The following PAK3 variants were observed in gnomAD, a reference collection of about 807,000 sequenced individuals.
PAK3 encodes serine/threonine-protein kinase PAK 3.
Under a neutral mutation model 41.0 loss-of-function variants are expected in PAK3, and 4 were observed. The ratio of observed to expected loss-of-function variants is 0.10; its 90% CI spans 0.05 to 0.22. The LOEUF is 0.22. Among genes scored for constraint, PAK3 ranks in the 10% least tolerant of loss-of-function variants. PAK3 has a pLI of 1.00. For synonymous variants in PAK3, 146 were observed against 139.6 expected, an observed-to-expected ratio of 1.05 and a Z score of -0.32; for missense variants, 205 against 409.9, an observed-to-expected ratio of 0.50 and a Z score of 4.32.
chrX:111,186,008 G>A (rs996722392), intron 11 of PAK3, among the ~76,000 whole-genome samples: 2 of 111,218 alleles, frequency 1.8e-5, no homozygotes, highest in African/African-American at 3.3e-5. Context: ...ATCAATAAAC[G>A]TAATCCATCC....
At chrX:111,175,418 A>G (rs1402167842) in intron 11 of PAK3, among the ~76,000 whole-genome samples, 1 of 112,179 alleles carries the variant, frequency 8.9e-6, no homozygotes, top group Non-Finnish European at 1.9e-5. Context: ...ATTAAAGAAA[A>G]TATATTATGA....
At chrX:111,131,889 A>T (rs2093723212) in intron 5 of PAK3, among the ~76,000 whole-genome samples, 1 of 112,100 alleles carries the variant, frequency 8.9e-6, no homozygotes. Context: ...CTGTTACCTA[A>T]GTATAAGGAA....
chrX:111,091,883 CT>C (rs1025401535), upstream of PAK3, among the ~76,000 whole-genome samples: 20 of 110,299 alleles, frequency 1.8e-4, no homozygotes, highest in South Asian at 3.9e-4. Flanking sequence ...AGTGGGGACA[CT>C]TTTTTTTTAG....
chrX:111,161,310 G>T (rs771235508), intron 8 of PAK3, among the ~76,000 whole-genome samples: 2 of 111,291 alleles, frequency 1.8e-5, no homozygotes, highest in South Asian at 7.6e-4. Context: ...TTTTGATGGG[G>T]TTGTTTGTTT....
intron 7 of PAK3, among the ~76,000 whole-genome samples, chrX:111,150,173 C>T (rs780682630): frequency 1.8e-5 from 2 of 112,046 alleles, no homozygotes; most frequent in South Asian, 7.6e-4. Context: ...CCCAAAAGTT[C>T]CTCATCCTCC....
rs374978131 is a variant in PAK3 at position 111,025,839 on chromosome X, C to CAA, written c.-28+81224_-28+81225dup. 8.3e-3 allele frequency among the ~76,000 whole-genome samples: 655 copies of CAA among 79,357 alleles called. 9 individuals carry two copies. The highest frequency in any genetic ancestry group is 0.027 in the African/African-American group (623 of 22,946). The allele number at this position is 79,357 out of a possible 115,157, so 68.9% of individuals were successfully genotyped here. On this transcript the variant is annotated intron_variant, in intron 1 of 14. Transcript: ENST00000425146. ...ATACCAAAACCAGGAAAGGATATAA[C>CAA]AAAAAAAAAAAAAAGAAAACTACAG...
chrX:111,065,793 T>G (rs1001712832), intron 1 of PAK3, among the ~76,000 whole-genome samples: 1 of 111,615 alleles, frequency 9.0e-6, no homozygotes, highest in Non-Finnish European at 1.9e-5. Context: ...CTTGGAAGAT[T>G]GTGCATTGCC....
At position 111,163,552 on chromosome X, in the gene PAK3, G is replaced by GT. The variant is rs768803846; in HGVS notation, c.601-3dup. The GT allele has an allele frequency of 4.9e-5, 59 of 1,196,918 alleles. No homozygotes were observed. The highest frequency in any genetic ancestry group is 6.6e-5 in the Non-Finnish European group (58 of 883,222). On this transcript the variant is annotated splice_polypyrimidine_tract_variant and intron_variant, in intron 9 of 17. Transcript: ENST00000372007. ...GCTGTTTTAATTGCAGAGCTTTTTG[G>GT]TTTTTTTAGATCTATACTCGTTCTG...
chrX:111,129,977 A>G (rs971877387), intron 5 of PAK3, among the ~76,000 whole-genome samples: 1 of 112,012 alleles, frequency 8.9e-6, no homozygotes, highest in Non-Finnish European at 1.9e-5. Flanking sequence ...TTTACCCTAT[A>G]TAATTATCCA....
rs1037852883 is a variant in PAK3, at chrX:111,195,845, C to T, written c.1114C>T (p.Leu372=). ...ACTTTTTTTTCTGATTTAATAGTGC[C>T]TGCAAGCTTTGGATTTCCTGCACTC... ...GQIAAVCREC[L]QALDFLHSNQ... Residue 372 remains leucine (L), a synonymous_variant, in exon 15 of 18, where the codon CTG becomes TTG. Transcript: ENST00000372007. 3 of 1,147,538 alleles carry T rather than the reference C, an allele frequency of 2.6e-6. No homozygotes were observed. Among genetic ancestry groups the T allele is most frequent in the Non-Finnish European group, 3.6e-6 (3 of 837,595 alleles). 94.6% of individuals were successfully genotyped at this position (1,147,538 alleles called of 1,213,427 possible).
At position 110,979,306 on chromosome X, in the gene PAK3, T is replaced by C. The variant is rs1222431252; in HGVS notation, c.-28+34678T>C. The stretch of plus-strand genomic sequence containing the variant: ...TTCTCTATTACTTTTCTTTTTTTTT[T>C]TTTTTTTTTTTTGACAGAGTCTGGC... On this transcript the variant is annotated intron_variant, in intron 1 of 14. Transcript: ENST00000425146. 2.1e-5 allele frequency among the ~76,000 whole-genome samples: 2 copies of C among 95,729 alleles called. 1 individual carries two copies. The highest frequency in any genetic ancestry group is 6.4e-4 in the East Asian group (2 of 3,121). 83.1% of individuals were successfully genotyped at this position (95,729 alleles called of 115,157 possible). A position where few individuals can be genotyped will look rare whatever the true frequency, so the allele number is the denominator to read the frequency against.
chrX:111,117,953 G>A (rs1187836189), intron 4 of PAK3, among the ~76,000 whole-genome samples: 1 of 111,094 alleles, frequency 9.0e-6, no homozygotes, highest in South Asian at 3.9e-4. Flanking sequence ...ACCTAGTTTG[G>A]GAATGGTAGT....
At chrX:111,169,066 G>A (rs1055018046) in intron 10 of PAK3, among the ~76,000 whole-genome samples, 4 of 111,567 alleles carry the variant, frequency 3.6e-5, no homozygotes, top group Non-Finnish European at 7.5e-5. Context: ...AAACCATGGA[G>A]CATTTACAAA....
intron 1 of PAK3, among the ~76,000 whole-genome samples, chrX:110,967,494 G>A (rs1306006933): frequency 9.0e-6 from 1 of 111,371 alleles, no homozygotes; most frequent in Non-Finnish European, 1.9e-5. Context: ...AGGGGCCTGG[G>A]TGAGGACTGT....
chrX:111,180,134 G>A (rs1384377867), intron 11 of PAK3, among the ~76,000 whole-genome samples: 1 of 111,223 alleles, frequency 9.0e-6, no homozygotes, highest in East Asian at 2.8e-4. Context: ...GTTCAATGAG[G>A]GGTATTTTGA....
At chrX:111,065,979 T>C (rs1312675153) in intron 1 of PAK3, among the ~76,000 whole-genome samples, 8 of 112,226 alleles carry the variant, frequency 7.1e-5, no homozygotes, top group Admixed American at 6.6e-4. Flanking sequence ...GTATTGACGT[T>C]GTTTATTCTT....
intron 1 of PAK3, among the ~76,000 whole-genome samples, chrX:110,973,812 G>A (rs1297125140): frequency 9.0e-6 from 1 of 111,653 alleles, no homozygotes; most frequent in Non-Finnish European, 1.9e-5. Context: ...GCTTATTCAG[G>A]AGACCCATCT....
Position 111,216,515 on chromosome X carries a change from A to C in PAK3, c.1502A>C (p.Glu501Ala). Residue 501 changes from glutamate (E) to alanine (A), a missense_variant, in exon 17 of 18, where the codon GAG becomes GCG. Physicochemically the swap from Glu to Ala is moderately radical, Grantham distance 107 (BLOSUM62 -1). Coordinates refer to ENST00000372007, the MANE Select transcript of PAK3 (RefSeq NM_002578.5). ...CGTGACTTTTTAAATCGCTGTCTTG[A>C]GATGGATGTGGATAGGCGAGGATCT... Reference protein sequence around the residue: ...VFRDFLNRCLEMDVDRRGSAK... With the variant: ...VFRDFLNRCLAMDVDRRGSAK... The C allele has an allele frequency of 8.3e-7, 1 of 1,199,937 alleles. No homozygotes were observed. Among genetic ancestry groups the C allele is most frequent in the Non-Finnish European group, 1.1e-6 (1 of 884,752 alleles).
At chrX:111,085,997 G>T (rs1365503336) in intron 1 of PAK3, among the ~76,000 whole-genome samples, 1 of 108,388 alleles carries the variant, frequency 9.2e-6, no homozygotes, top group African/African-American at 3.4e-5. Flanking sequence ...ATATTTTTAA[G>T]AATAAGCCTG....
Sources: gnomAD v4.1 joint callset for allele counts (sites outside exome capture counted in the v4.1 genomes callset) on GRCh38, gnomAD v4.1.1 for gene constraint, MANE v1.5 for transcripts, NCBI Gene and HGNC (gene_info 2026-07-23, HGNC 2026-07-21) for gene names.